DNAH9: variants seen among roughly 807,000 people sequenced by gnomAD.
DNAH9 encodes the protein DNAH9 variant protein.
Under a neutral mutation model 471.6 loss-of-function variants are expected in DNAH9, and 345 were observed. That is an observed-to-expected ratio of 0.73 (90% CI 0.67 to 0.80). DNAH9 has a LOEUF of 0.80. Ranked by LOEUF, DNAH9 falls within the 30% of genes least tolerant of loss-of-function variation. The probability of loss-of-function intolerance (pLI) is 0.00; values close to 1 mark genes in which losing one functional copy is unlikely to be tolerated. For synonymous variants in DNAH9, 2,093 were observed against 2,123.6 expected, an observed-to-expected ratio of 0.99 and a Z score of 0.40; for missense variants, 5,407 against 5,609.2, an observed-to-expected ratio of 0.96 and a Z score of 1.15.
chr17:11,652,621 T>G, intron 13 of DNAH9, 140 bp from the exon 14 acceptor site: 1 of 822,240 alleles, frequency 1.2e-6, no homozygotes, highest in Non-Finnish European at 1.9e-6. Flanking sequence ...AGGGAGAATA[T>G]TCTGACGATA....
At chr17:11,934,169 G>A (rs1974617301) in intron 65 of DNAH9, 98 bp downstream of exon 65, 3 of 1,336,970 alleles carry the variant, frequency 2.2e-6, no homozygotes, top group African/African-American at 1.5e-5. Flanking sequence ...AGCCTCTGCT[G>A]GGACATCACC....
chr17:11,698,182 T>TATTAATATAATAATATATTATTA (rs369729599), intron 22 of DNAH9, among the ~76,000 whole-genome samples: 1 of 120,350 alleles, frequency 8.3e-6, no homozygotes, highest in African/African-American at 3.6e-5. Context: ...TAATATATTA[T>TATTAATATAATAATATATTATTA]TATATTAATA....
chr17:11,757,737 A>G (rs1296438152), intron 35 of DNAH9, 45 bp downstream of exon 35: 1 of 1,601,582 alleles, frequency 6.2e-7, no homozygotes, highest in Non-Finnish European at 8.5e-7. Context: ...GCAGCAATAA[A>G]AAGCCCATGG....
At chr17:11,652,533 C>T (rs1360146864) in intron 13 of DNAH9, among the ~76,000 whole-genome samples, 4 of 152,034 alleles carry the variant, frequency 2.6e-5, no homozygotes, top group Non-Finnish European at 4.4e-5. Flanking sequence ...GATCCGCCCA[C>T]CTCGGCCTCC....
chr17:11,741,573 G>A (rs1393581761), intron 29 of DNAH9, among the ~76,000 whole-genome samples: 1 of 152,236 alleles, frequency 6.6e-6, no homozygotes, highest in African/African-American at 2.4e-5. Flanking sequence ...GAAGAATAGG[G>A]GAACTCTCAG....
intron 39 of DNAH9, among the ~76,000 whole-genome samples, chr17:11,782,205 G>A (rs1468354518): frequency 6.6e-6 from 1 of 152,182 alleles, no homozygotes; most frequent in Non-Finnish European, 1.5e-5. Context: ...TGACATCTGA[G>A]CAGCTTAATT....
chr17:11,609,284 C>A (rs542974028), intron 2 of DNAH9, among the ~76,000 whole-genome samples: 7 of 152,172 alleles, frequency 4.6e-5, no homozygotes, highest in Non-Finnish European at 8.8e-5. Context: ...CCTACATATA[C>A]AATTTGAAGT....
intron 27 of DNAH9, among the ~76,000 whole-genome samples, chr17:11,725,862 A>C (rs1303155114): frequency 6.6e-6 from 1 of 151,512 alleles, no homozygotes; most frequent in Non-Finnish European, 1.5e-5. Flanking sequence ...GCAAGACTCC[A>C]TCTCAAAAAA....
chr17:11,647,149 T>C lies in DNAH9; in HGVS notation c.2048T>C (p.Leu683Pro), dbSNP rs1263165562. The change falls in exon 12 of 69, where the codon CTA becomes CCA. Residue 683 changes from leucine to proline, a missense_variant. Transcript: ENST00000262442. ...KSQYNLSQPLLKRDPETKEIT... is the reference protein window; with the variant it reads ...KSQYNLSQPLPKRDPETKEIT... ...CAGTACAATCTTTCCCAACCACTTC[T>C]AAAACGTGACCCAGAGACGAAGGAG... The C allele has an allele frequency of 1.9e-6, 3 of 1,614,056 alleles. No individual in the cohort carries two copies. The highest frequency in any genetic ancestry group is 2.5e-6 in the Non-Finnish European group (3 of 1,179,926).
At chr17:11,959,354 T>C (rs1040561191) in intron 67 of DNAH9, among the ~76,000 whole-genome samples, 5 of 152,168 alleles carry the variant, frequency 3.3e-5, no homozygotes, top group African/African-American at 1.2e-4. Context: ...TTGCACTAAA[T>C]TTCATCTTTA....
At chr17:11,753,029 G>T in intron 33 of DNAH9, 69 bp downstream of exon 33, 1 of 1,329,792 alleles carries the variant, frequency 7.5e-7, no homozygotes, top group East Asian at 2.5e-5. Context: ...AGTGTGGCAG[G>T]CATACTTGCA....
intron 62 of DNAH9, 147 bp downstream of exon 62, chr17:11,924,088 G>C (rs1239673522): frequency 2.4e-6 from 3 of 1,232,498 alleles, no homozygotes; most frequent in African/African-American, 1.5e-5. Context: ...TCTCTTTCCA[G>C]TTCTCCTCAC....
intron 26 of DNAH9, among the ~76,000 whole-genome samples, chr17:11,705,927 T>C (rs1218324194): frequency 6.6e-6 from 1 of 152,186 alleles, no homozygotes; most frequent in Non-Finnish European, 1.5e-5. Flanking sequence ...AGTATTTCTC[T>C]CTATATTCAT....
chr17:11,601,789 C>T (rs116258931), intron 1 of DNAH9, among the ~76,000 whole-genome samples: 433 of 152,214 alleles, frequency 2.8e-3, no homozygotes, highest in African/African-American at 9.7e-3. Context: ...TACCTGCTCC[C>T]CTTTTCCTTC....
At chr17:11,871,569 C>T (rs1193840176) in intron 51 of DNAH9, 29 bp from the exon 52 acceptor site, 1 of 1,606,822 alleles carries the variant, frequency 6.2e-7, no homozygotes, top group Admixed American at 1.7e-5. Context: ...TAACACGCCT[C>T]CTCTCCTCTC....
intron 60 of DNAH9, among the ~76,000 whole-genome samples, 161 bp downstream of exon 60, chr17:11,903,073 G>A (rs1219121756): frequency 6.6e-6 from 1 of 152,246 alleles, no homozygotes; most frequent in Non-Finnish European, 1.5e-5. Context: ...AGGCGCGGTG[G>A]CTCACGCCTG....
rs528779069 is a variant in DNAH9 at position 11,757,365 on chromosome 17, G to A, written c.6848-180G>A. 1.7e-3 allele frequency among the ~76,000 whole-genome samples: 265 copies of A among 152,216 alleles called. 7 individuals carry two copies. In the South Asian group the frequency reaches 0.053, roughly 30 times the overall value. On this transcript the variant is annotated intron_variant, in intron 34 of 68. Coordinates refer to ENST00000262442, the MANE Select transcript of DNAH9 (RefSeq NM_001372.4). ...GCTGCTCCCCATCCATCTATCATCAGTCCGCTGGAGTTGGTCCTCAATAGC... is the reference window on the plus strand; with the variant it reads ...GCTGCTCCCCATCCATCTATCATCAATCCGCTGGAGTTGGTCCTCAATAGC...
chr17:11,911,362 A>G (rs1402948197), intron 61 of DNAH9, among the ~76,000 whole-genome samples: 1 of 152,154 alleles, frequency 6.6e-6, no homozygotes, highest in East Asian at 1.9e-4. Context: ...TTATTTCTGG[A>G]CTATTATTTA....
chr17:11,843,859 G>GTATATATATATATA (rs1490566898), intron 49 of DNAH9, among the ~76,000 whole-genome samples: 2,620 of 45,998 alleles, frequency 0.057, 125 homozygotes, highest in Non-Finnish European at 0.067. Flanking sequence ...GTGTGTGTGT[G>GTATATATATATATA]TGTGTATATA....
Sources: allele counts gnomAD v4.1 joint callset (sites outside exome capture counted in the v4.1 genomes callset), GRCh38; gene constraint gnomAD v4.1.1; transcripts MANE v1.5; gene names NCBI Gene and HGNC (gene_info 2026-07-23, HGNC 2026-07-21).